PCDHA1: variants seen among roughly 807,000 people sequenced by gnomAD.
PCDHA1 encodes protocadherin alpha 1, also known as protocadherin alpha-1.
In PCDHA1, 42 loss-of-function variants were observed where a neutral mutation model predicts 61.3. The ratio of observed to expected loss-of-function variants is 0.69; its 90% CI spans 0.54 to 0.89. The LOEUF (loss-of-function observed/expected upper bound fraction) is 0.89. PCDHA1 is among the 40% of genes least tolerant of loss of function. PCDHA1 has a pLI of 0.00. For missense variants in PCDHA1, 1,256 were observed against 1,235.3 expected (o/e 1.02, Z -0.25); for synonymous variants, 610 against 553.8 (o/e 1.10, Z -1.43).
chr5:140,850,685 C>G lies in PCDHA1; in HGVS notation c.2394+62001C>G, dbSNP rs1390345550. ...GGTGCTCGGCGATGCCCACCGAGGGCGAGTGCGCGCCTGGCAAGCCGACGC... is the reference window on the plus strand; with the variant it reads ...GGTGCTCGGCGATGCCCACCGAGGGGGAGTGCGCGCCTGGCAAGCCGACGC... On this transcript the variant is annotated intron_variant, in intron 1 of 3. Transcript: ENST00000504120. 25 of 1,598,270 alleles carry G rather than the reference C, an allele frequency of 1.6e-5. 2 individuals are homozygous for G. The highest frequency in any genetic ancestry group is 1.7e-4 in the Middle Eastern group (1 of 6,016).
intron 1 of PCDHA1, among the ~76,000 whole-genome samples, chr5:140,900,906 G>C (rs2068354860): frequency 6.6e-6 from 1 of 152,096 alleles, no homozygotes; most frequent in African/African-American, 2.4e-5. Context: ...CATTTTAACT[G>C]TGGTAAGATG....
intron 1 of PCDHA1, chr5:140,857,971 G>A: frequency 6.3e-7 from 1 of 1,596,806 alleles, no homozygotes; most frequent in Non-Finnish European, 8.6e-7. Flanking sequence ...AGACTGACTC[G>A]CCACGCCAGC....
In PCDHA1 at chr5:140,875,325, G is replaced by C. The variant is rs1293166061; in HGVS notation, c.2394+86641G>C. 3 of 1,427,764 alleles carry C rather than the reference G, an allele frequency of 2.1e-6. No homozygotes were observed. The African/African-American group carries it at 4.3e-5, about 21-fold the overall frequency. 88.4% of individuals were successfully genotyped at this position (1,427,764 alleles called of 1,614,324 possible). A position where few individuals can be genotyped will look rare whatever the true frequency, so the allele number is the denominator to read the frequency against. On this transcript the variant is annotated intron_variant, in intron 1 of 3. Coordinates refer to ENST00000504120, the MANE Select transcript of PCDHA1 (RefSeq NM_018900.4). ...CCGCACCCACATTCCAATCATTCAC[G>C]GAATAGGATCGACTCCATAATGACT...
At position 140,878,341 on chromosome 5, in the gene PCDHA1, A is replaced by G. The variant is rs980108622; in HGVS notation, c.2394+89657A>G. Reference sequence around the variant, plus strand: ...TTCACATTATATTCCAGGTATTATCACAATAATATAAATGATATGTCTGAC... The same window carrying G: ...TTCACATTATATTCCAGGTATTATCGCAATAATATAAATGATATGTCTGAC... On this transcript the variant is annotated intron_variant, in intron 1 of 3. Coordinates refer to ENST00000504120, the MANE Select transcript of PCDHA1 (RefSeq NM_018900.4). Among the ~76,000 whole-genome samples the G allele has an allele frequency of 2.0e-5, 3 of 152,350 alleles. No homozygotes were observed. In the East Asian group the frequency reaches 5.8e-4, roughly 29 times the overall value.
chr5:140,801,127 A>G, intron 1 of PCDHA1: 1 of 1,520,548 alleles, frequency 6.6e-7, no homozygotes, highest in African/African-American at 1.4e-5. Context: ...AGAAATGAAG[A>G]TAAGGAACTC....
At chr5:140,794,956 G>A (rs1554119206) in intron 1 of PCDHA1, 1 of 1,600,106 alleles carries the variant, frequency 6.2e-7, no homozygotes, top group Non-Finnish European at 8.5e-7. Flanking sequence ...AAAACATTGA[G>A]GATTGGTAAT....
chr5:140,903,367 T>G (rs1247838310), intron 1 of PCDHA1, among the ~76,000 whole-genome samples: 1 of 152,188 alleles, frequency 6.6e-6, no homozygotes, highest in African/African-American at 2.4e-5. Flanking sequence ...TTCAAAAATA[T>G]AGGGAGGATT....
At chr5:140,979,168 G>T in intron 2 of PCDHA1, 161 bp downstream of exon 2, 6 of 966,502 alleles carry the variant, frequency 6.2e-6, no homozygotes, top group Non-Finnish European at 7.4e-6. Context: ...TTCCTTGAAA[G>T]ATCGCAAATG....
At chr5:140,804,553 T>C (rs1177952713) in intron 1 of PCDHA1, 2 of 152,240 alleles carry the variant, frequency 1.3e-5, no homozygotes, top group African/African-American at 4.8e-5. Flanking sequence ...GTCTTTTGCA[T>C]ACCATACTAA....
intron 1 of PCDHA1, chr5:140,842,767 G>A (rs2150343877): frequency 1.9e-6 from 3 of 1,594,562 alleles, no homozygotes; most frequent in Non-Finnish European, 2.6e-6. Context: ...CGCGAGACGC[G>A]GACGCGCAGG....
intron 1 of PCDHA1, chr5:140,876,170 T>C (rs781910243): frequency 6.2e-7 from 1 of 1,613,982 alleles, no homozygotes; most frequent in African/African-American, 1.3e-5. Context: ...ATAACCGTCC[T>C]GGATGTGAAT....
rs369162861 is a variant in PCDHA1 at position 140,870,379 on chromosome 5, G to T, written c.2394+81695G>T. ...GTGGGCCTATGAACTGGTGGTGACT[G>T]CGCGGGATGGGGGTTCGCCTTCTCT... On this transcript the variant is annotated intron_variant, in intron 1 of 3. Coordinates refer to ENST00000504120, the MANE Select transcript of PCDHA1 (RefSeq NM_018900.4). The T allele has an allele frequency of 8.1e-6, 13 of 1,614,100 alleles. No homozygotes were observed. In the African/African-American group the frequency reaches 1.7e-4, roughly 22 times the overall value.
chr5:140,806,053 G>A (rs1357825181), intron 1 of PCDHA1, among the ~76,000 whole-genome samples: 2 of 152,114 alleles, frequency 1.3e-5, no homozygotes, highest in African/African-American at 2.4e-5. Flanking sequence ...TGGCCCACGC[G>A]ATTCCACCCT....
intron 1 of PCDHA1, chr5:140,966,941 G>C (rs1554228938): frequency 1.9e-6 from 3 of 1,604,498 alleles, no homozygotes; most frequent in Non-Finnish European, 2.5e-6. Context: ...CGCGCTCGTG[G>C]GCAACGTGGC....
chr5:140,928,368 A>G, intron 1 of PCDHA1: 3 of 1,614,212 alleles, frequency 1.9e-6, no homozygotes, highest in Non-Finnish European at 2.5e-6. Context: ...CTGAAGGGCC[A>G]TCAGCCTCTA....
intron 1 of PCDHA1, among the ~76,000 whole-genome samples, chr5:140,872,037 G>T (rs1554166004): frequency 1.3e-5 from 2 of 152,238 alleles, no homozygotes; most frequent in African/African-American, 2.4e-5. Context: ...TAAGCTCAAA[G>T]AATTCTCCCA....
At chr5:140,951,098 A>T (rs1480000816) in intron 1 of PCDHA1, among the ~76,000 whole-genome samples, 1 of 151,264 alleles carries the variant, frequency 6.6e-6, no homozygotes, top group African/African-American at 2.4e-5. Flanking sequence ...TTCTGATAAG[A>T]TTTCCTTTAT....
chr5:140,961,878 C>A (rs2095639757), intron 1 of PCDHA1, among the ~76,000 whole-genome samples: 1 of 150,888 alleles, frequency 6.6e-6, no homozygotes, highest in Non-Finnish European at 1.5e-5. Context: ...AATTGACTTA[C>A]TTACATCAGT....
chr5:140,791,516 A>G (rs1490728715), intron 1 of PCDHA1, among the ~76,000 whole-genome samples: 1 of 152,220 alleles, frequency 6.6e-6, no homozygotes, highest in African/African-American at 2.4e-5. Context: ...TTAACTCACA[A>G]CAGCATATGT....
Sources: gnomAD v4.1 joint callset for allele counts (sites outside exome capture counted in the v4.1 genomes callset) on GRCh38, gnomAD v4.1.1 for gene constraint, MANE v1.5 for transcripts, NCBI Gene and HGNC (gene_info 2026-07-23, HGNC 2026-07-21) for gene names.